NAALADL2: variants seen among roughly 807,000 people sequenced by gnomAD.
The protein encoded by NAALADL2 is inactive N-acetylated-alpha-linked acidic dipeptidase-like protein 2.
In NAALADL2, 76 loss-of-function variants were observed where a neutral mutation model predicts 87.2. The observed-to-expected ratio is 0.87, with a 90% CI of 0.72 to 1.05. The LOEUF (loss-of-function observed/expected upper bound fraction) is 1.05, where lower values mean the gene tolerates loss of function less well. Ranked by LOEUF, NAALADL2 falls within the 50% of genes least tolerant of loss-of-function variation. The pLI is 0.00. For missense variants in NAALADL2, 1,089 were observed against 945.8 expected, an observed-to-expected ratio of 1.15 and a Z score of -1.99; for synonymous variants, 354 against 331.0, an observed-to-expected ratio of 1.07 and a Z score of -0.75.
At chr3:175,615,973 TATA>T (rs994389132) in intron 10 of NAALADL2, among the ~76,000 whole-genome samples, 36 of 147,370 alleles carry the variant, frequency 2.4e-4, no homozygotes, top group African/African-American at 8.6e-4. Context: ...GCATGTTACT[TATA>T]ATATATATTA....
At chr3:175,242,811 T>C (rs771217440) in intron 3 of NAALADL2, among the ~76,000 whole-genome samples, 68 of 152,104 alleles carry the variant, frequency 4.5e-4, no homozygotes, top group Admixed American at 2.6e-4. Context: ...GCTGGCAATA[T>C]AATAGGAGAA....
chr3:174,989,623 G>A (rs1746444231), intron 1 of NAALADL2, among the ~76,000 whole-genome samples: 1 of 152,108 alleles, frequency 6.6e-6, no homozygotes, highest in Non-Finnish European at 1.5e-5. Flanking sequence ...GCTAGAATAT[G>A]TAATATGGAC....
intron 5 of NAALADL2, among the ~76,000 whole-genome samples, chr3:175,378,139 G>T (rs75525831): frequency 9.2e-5 from 14 of 151,470 alleles, no homozygotes; most frequent in Non-Finnish European, 2.1e-4. Flanking sequence ...GCACCCCCAA[G>T]TCCAGACACT....
intron 5 of NAALADL2, among the ~76,000 whole-genome samples, chr3:175,350,394 G>T (rs1357366655): frequency 6.6e-6 from 1 of 152,164 alleles, no homozygotes; most frequent in Non-Finnish European, 1.5e-5. Context: ...TGTAGGTAGA[G>T]AAAGGTTTTT....
rs75105380 is a variant in NAALADL2 at position 174,795,922 on chromosome 3, A to G, written c.-9+58176A>G. 8.5e-3 allele frequency among the ~76,000 whole-genome samples: 1,289 copies of G among 152,326 alleles called. 24 individuals carry two copies. The highest frequency in any genetic ancestry group is 0.03 in the African/African-American group (1,241 of 41,568). On this transcript the variant is annotated intron_variant, in intron 3 of 3. Transcript: ENST00000434257. ...TTGTAAGATTTCTATTTATATCTGC[A>G]TACACATTTTTTGTTATGAAATGCA...
chr3:175,544,252 C>A (rs1193170322), intron 9 of NAALADL2, among the ~76,000 whole-genome samples: 2 of 152,122 alleles, frequency 1.3e-5, no homozygotes, highest in Non-Finnish European at 2.9e-5. Flanking sequence ...TTTTGATAAA[C>A]AAGCTTTTTG....
intron 4 of NAALADL2, among the ~76,000 whole-genome samples, chr3:175,299,901 C>A (rs140587526): frequency 6.6e-6 from 1 of 152,160 alleles, no homozygotes; most frequent in African/African-American, 2.4e-5. Flanking sequence ...TTTGCCCATT[C>A]ATTATGATAT....
chr3:174,995,515 G>C (rs1450204309), intron 1 of NAALADL2, among the ~76,000 whole-genome samples: 3 of 152,084 alleles, frequency 2.0e-5, no homozygotes, highest in Non-Finnish European at 4.4e-5. Flanking sequence ...TTGCTTTTCT[G>C]TTCTTTTGTG....
At chr3:174,489,248 CT>C (rs1718038590) in intron 1 of NAALADL2, among the ~76,000 whole-genome samples, 1 of 151,892 alleles carries the variant, frequency 6.6e-6, no homozygotes. Flanking sequence ...AAAGAAGAGT[CT>C]TTTTAGCTAA....
At chr3:175,043,630 G>A (rs76299942) in intron 1 of NAALADL2, among the ~76,000 whole-genome samples, 1,948 of 152,210 alleles carry the variant, frequency 0.013, 27 homozygotes, top group African/African-American at 0.044. Flanking sequence ...ATTTATTGAA[G>A]AGGCTATCAT....
chr3:175,205,217 A>G (rs759642243), intron 2 of NAALADL2, among the ~76,000 whole-genome samples: 6 of 152,192 alleles, frequency 3.9e-5, no homozygotes, highest in Admixed American at 3.3e-4. Context: ...CTATAAAGCC[A>G]TATTCACCAA....
intron 3 of NAALADL2, among the ~76,000 whole-genome samples, chr3:175,253,484 T>C (rs1749409312): frequency 1.3e-5 from 2 of 152,226 alleles, no homozygotes; most frequent in African/African-American, 4.8e-5. Flanking sequence ...GCTCCGATGG[T>C]GATGTACAGG....
At chr3:175,335,654 G>A (rs62287017) in intron 5 of NAALADL2, among the ~76,000 whole-genome samples, 1 of 151,946 alleles carries the variant, frequency 6.6e-6, no homozygotes, top group African/African-American at 2.4e-5. Flanking sequence ...AAGTGTTATT[G>A]CATTTACTTC....
chr3:175,775,600 C>T (rs1287353418), intron 13 of NAALADL2, among the ~76,000 whole-genome samples: 1 of 152,116 alleles, frequency 6.6e-6, no homozygotes, highest in East Asian at 1.9e-4. Flanking sequence ...AGTACTTCCT[C>T]TTTCAAGTCT....
chr3:174,927,021 C>G (rs1171096441), intron 1 of NAALADL2, among the ~76,000 whole-genome samples: 1 of 120,744 alleles, frequency 8.3e-6, no homozygotes, highest in African/African-American at 3.4e-5. Context: ...ATCTACCAAG[C>G]AAATGAAGAA....
At chr3:174,716,219 T>C (rs910339330) in intron 2 of NAALADL2, among the ~76,000 whole-genome samples, 5 of 152,168 alleles carry the variant, frequency 3.3e-5, no homozygotes, top group Admixed American at 3.3e-4. Flanking sequence ...AGAAACACTA[T>C]CCATTGACAG....
chr3:175,660,624 A>AT (rs1732120445), intron 11 of NAALADL2, among the ~76,000 whole-genome samples: 1 of 151,940 alleles, frequency 6.6e-6, no homozygotes, highest in South Asian at 2.1e-4. Context: ...AACTAACTGT[A>AT]TTTTTGTACC....
At chr3:175,381,638 G>C (rs1767796832) in intron 5 of NAALADL2, among the ~76,000 whole-genome samples, 1 of 152,046 alleles carries the variant, frequency 6.6e-6, no homozygotes. Flanking sequence ...AATGAGTTTA[G>C]ACAGTTTTTC....
intron 4 of NAALADL2, among the ~76,000 whole-genome samples, chr3:175,293,645 G>A (rs1174701593): frequency 1.3e-5 from 2 of 152,208 alleles, no homozygotes; most frequent in South Asian, 4.2e-4. Flanking sequence ...CGGGATCAAT[G>A]CCCTTATTAA....
Sources: allele counts gnomAD v4.1 joint callset (sites outside exome capture counted in the v4.1 genomes callset), GRCh38; gene constraint gnomAD v4.1.1; transcripts MANE v1.5; gene names NCBI Gene and HGNC (gene_info 2026-07-23, HGNC 2026-07-21).